RPL31: variants seen among roughly 807,000 people sequenced by gnomAD.
The protein encoded by RPL31 is large ribosomal subunit protein eL31.
For synonymous variants in RPL31, 51 were observed against 55.0 expected (o/e 0.93, Z 0.32); for missense variants, 95 against 164.0 (o/e 0.58, Z 2.30).
chr2:101,014,683 CA>C (rs1679482224), intron 4 of RPL31, among the ~76,000 whole-genome samples: 1 of 152,188 alleles, frequency 6.6e-6, no homozygotes, highest in Non-Finnish European at 1.5e-5. Flanking sequence ...AAGCATCCCT[CA>C]GTTTCTTGGG....
intron 4 of RPL31, among the ~76,000 whole-genome samples, chr2:101,015,315 G>A (rs1679543178): frequency 6.6e-6 from 1 of 152,152 alleles, no homozygotes; most frequent in South Asian, 2.1e-4. Flanking sequence ...AGCTGTTCTG[G>A]GCAAATCAGT....
intron 4 of RPL31, among the ~76,000 whole-genome samples, chr2:101,012,621 T>TA (rs1679306222): frequency 7.5e-6 from 1 of 132,598 alleles, no homozygotes; most frequent in Admixed American, 7.6e-5. Context: ...CAACTCTGAA[T>TA]ATACAAAAAA....
chr2:101,003,311 CTGTTT>C (rs746420753), intron 2 of RPL31, among the ~76,000 whole-genome samples: 5 of 152,192 alleles, frequency 3.3e-5, no homozygotes, highest in East Asian at 3.9e-4. Flanking sequence ...CCCTGGCCAT[CTGTTT>C]TGTTTTGTTT....
downstream of RPL31, chr2:101,007,299 T>A (rs1184835453): frequency 6.5e-6 from 1 of 152,748 alleles, no homozygotes; most frequent in Non-Finnish European, 1.5e-5. Flanking sequence ...ACAACAACAT[T>A]TTTGGAAGGA....
In RPL31 at chr2:101,006,363, C is replaced by T. The variant is rs1678736662; in HGVS notation, c.360C>T (p.Val120=). Residue 120 remains valine (V), a synonymous_variant, in exon 5 of 5, where the codon GTC becomes GTT. Coordinates refer to ENST00000264258, the MANE Select transcript of RPL31 (RefSeq NM_000993.5). ...CTTCCTTTACAGATCTACAGACAGT[C>T]AATGTGGATGAGAACTAATCGCTGA... ...PVTTFKNLQT[V]NVDEN The T allele has an allele frequency of 3.7e-6, 6 of 1,610,344 alleles. No individual in the cohort carries two copies. Among genetic ancestry groups the T allele is most frequent in the Admixed American group, 1.7e-5 (1 of 58,940 alleles).
At chr2:101,008,552 C>A (rs550051527), downstream of RPL31, among the ~76,000 whole-genome samples, 2 of 152,132 alleles carry the variant, frequency 1.3e-5, no homozygotes, top group Non-Finnish European at 2.9e-5. Context: ...CAGTGGCTCC[C>A]GCCTGTAATC....
chr2:101,007,931 G>C, downstream of RPL31: 1 of 1,614,000 alleles, frequency 6.2e-7, no homozygotes. Flanking sequence ...ATGTCCAGTG[G>C]CTTTTCAAAA....
intron 3 of RPL31, chr2:101,004,974 CGG>C (rs1678665885): frequency 6.6e-6 from 1 of 152,288 alleles, no homozygotes; most frequent in Non-Finnish European, 1.5e-5. Context: ...ATTCTGGAAA[CGG>C]GTTGGGGGAG....
At chr2:101,008,070 C>T (rs1358679454), downstream of RPL31, 6 of 1,613,820 alleles carry the variant, frequency 3.7e-6, no homozygotes, top group East Asian at 2.2e-5. Context: ...CTGCAAAAAC[C>T]GAGTCCTCAG....
chr2:101,012,643 T>C (rs999357130), intron 4 of RPL31, among the ~76,000 whole-genome samples: 3 of 151,892 alleles, frequency 2.0e-5, no homozygotes, highest in African/African-American at 4.8e-5. Context: ...AAAAAACCCA[T>C]TGAATTGTAC....
intron 4 of RPL31, among the ~76,000 whole-genome samples, chr2:101,013,525 A>T (rs78362750): frequency 0.24 from 36,651 of 151,996 alleles, 5,184 homozygotes; most frequent in South Asian, 0.38. Flanking sequence ...AAGATAAAGG[A>T]TTTACATTTG....
intron 3 of RPL31, 51 bp from the exon 4 acceptor site, chr2:101,005,908 C>A: frequency 6.7e-7 from 1 of 1,487,718 alleles, no homozygotes; most frequent in Non-Finnish European, 9.3e-7. Context: ...CTAGTGGCTG[C>A]TTGGTTGAAA....
chr2:101,018,020 A>G, intron 4 of RPL31: 2 of 1,288,914 alleles, frequency 1.6e-6, no homozygotes, highest in Non-Finnish European at 2.2e-6. Flanking sequence ...GCATGTGCTC[A>G]TTCTACATAT....
At chr2:101,018,027 A>G (rs950884565) in intron 4 of RPL31, 16 of 1,212,508 alleles carry the variant, frequency 1.3e-5, no homozygotes, top group South Asian at 2.9e-5. Flanking sequence ...CTCATTCTAC[A>G]TATCAACCCC....
intron 4 of RPL31, among the ~76,000 whole-genome samples, chr2:101,014,154 T>G (rs1236794345): frequency 6.6e-6 from 1 of 152,236 alleles, no homozygotes; most frequent in African/African-American, 2.4e-5. Context: ...CTTAGTTTTC[T>G]TTTGTTGAAA....
At chr2:101,007,970 G>C (rs1166898659), downstream of RPL31, 3 of 1,614,036 alleles carry the variant, frequency 1.9e-6, no homozygotes. Flanking sequence ...TCAGTCAGAA[G>C]TGAAGCTAAA....
intron 3 of RPL31, 84 bp downstream of exon 3, chr2:101,004,367 G>A: frequency 6.8e-7 from 1 of 1,470,086 alleles, no homozygotes; most frequent in Non-Finnish European, 9.3e-7. Flanking sequence ...TATCAGTTCA[G>A]TAATTTGGTT....
At chr2:101,002,553 G>T in intron 1 of RPL31, 149 bp from the exon 2 acceptor site, 1 of 654,962 alleles carries the variant, frequency 1.5e-6, no homozygotes, top group Admixed American at 2.7e-5. Flanking sequence ...GCAGGGGCGC[G>T]GGTGCGTGGG....
intron 1 of RPL31, 58 bp from the exon 2 acceptor site, chr2:101,002,644 A>AGGAC: frequency 7.3e-7 from 1 of 1,361,552 alleles, no homozygotes; most frequent in Non-Finnish European, 1.1e-6. Flanking sequence ...GCTGGGAGGG[A>AGGAC]GGACTTGGCT....
Sources: gnomAD v4.1 joint callset for allele counts (sites outside exome capture counted in the v4.1 genomes callset) on GRCh38, gnomAD v4.1.1 for gene constraint, MANE v1.5 for transcripts, NCBI Gene and HGNC (gene_info 2026-07-23, HGNC 2026-07-21) for gene names.